TRPC4: variants seen among roughly 807,000 people sequenced by gnomAD.
The protein encoded by TRPC4 is short transient receptor potential channel 4.
Under a neutral mutation model 99.4 loss-of-function variants are expected in TRPC4, and 49 were observed. That is an observed-to-expected ratio of 0.49 (90% CI 0.39 to 0.63). TRPC4 has a LOEUF of 0.63. Among genes scored for constraint, TRPC4 ranks in the 20% least tolerant of loss-of-function variants. The pLI is 0.00. For synonymous variants in TRPC4, 454 were observed against 425.9 expected, an observed-to-expected ratio of 1.07 and a Z score of -0.81; for missense variants, 898 against 1,152.9, an observed-to-expected ratio of 0.78 and a Z score of 3.20.
intron 2 of TRPC4, among the ~76,000 whole-genome samples, chr13:37,763,238 T>G (rs1163412641): frequency 1.3e-5 from 2 of 151,498 alleles, no homozygotes; most frequent in Non-Finnish European, 3.0e-5. Flanking sequence ...GAAGGACCAG[T>G]AAAAGATATT....
intron 4 of TRPC4, 148 bp downstream of exon 4, chr13:37,691,851 G>T: frequency 2.7e-6 from 2 of 728,894 alleles, no homozygotes; most frequent in South Asian, 2.6e-5. Context: ...ATAGTTGTTT[G>T]GCTTTGGGGG....
rs1202421950 is a variant in TRPC4 at position 37,840,128 on chromosome 13, T to C, written c.-28+29467A>G. 2.6e-5 allele frequency among the ~76,000 whole-genome samples: 4 copies of C among 152,160 alleles called. No homozygotes were observed. The South Asian group carries it at 8.3e-4, about 32-fold the overall frequency. On this transcript the variant is annotated intron_variant, in intron 1 of 10. Coordinates refer to ENST00000379705, the MANE Select transcript of TRPC4 (RefSeq NM_016179.4). ...CTCCAGGAAGATATATCAAATTGAA[T>C]ATAATAGAGGTTGATTACAGAATAA...
Position 37,790,690 on chromosome 13 carries a change from G to A in TRPC4, c.-27-7330C>T, listed in dbSNP as rs566457868. Among the ~76,000 whole-genome samples the A allele has an allele frequency of 6.6e-5, 10 of 152,104 alleles. No homozygotes were observed. In the Middle Eastern group the frequency reaches 0.01, roughly 155 times the overall value. On this transcript the variant is annotated intron_variant, in intron 1 of 10. Transcript: ENST00000379705. Reference sequence around the variant, plus strand: ...ATTGCCTCATCCTAATCATTTTCCCGCCTTGAAAGATCAACCTGAAACCAA... The same window carrying A: ...ATTGCCTCATCCTAATCATTTTCCCACCTTGAAAGATCAACCTGAAACCAA...
intron 1 of TRPC4, among the ~76,000 whole-genome samples, chr13:37,783,814 A>G (rs896532575): frequency 1.3e-5 from 2 of 152,074 alleles, no homozygotes; most frequent in Admixed American, 1.3e-4. Flanking sequence ...ATGTAATACC[A>G]TTATGTTTGC....
At chr13:37,787,951 A>G (rs1171394799) in intron 1 of TRPC4, among the ~76,000 whole-genome samples, 1 of 152,060 alleles carries the variant, frequency 6.6e-6, no homozygotes, top group Non-Finnish European at 1.5e-5. Flanking sequence ...CCCATTTTTA[A>G]AACACACATA....
At chr13:37,863,311 A>G (rs982302374) in intron 1 of TRPC4, among the ~76,000 whole-genome samples, 30 of 151,632 alleles carry the variant, frequency 2.0e-4, no homozygotes, top group African/African-American at 6.8e-4. Context: ...GACATATTCA[A>G]AAACAAATAC....
chr13:37,840,299 AATT>A (rs1338391532), intron 1 of TRPC4, among the ~76,000 whole-genome samples: 1 of 152,156 alleles, frequency 6.6e-6, no homozygotes, highest in African/African-American at 2.4e-5. Context: ...TCTTTAGTAC[AATT>A]ATTATTCAAA....
chr13:37,817,495 G>A (rs1297517825), intron 1 of TRPC4, among the ~76,000 whole-genome samples: 8 of 151,898 alleles, frequency 5.3e-5, no homozygotes, highest in Admixed American at 4.0e-4. Flanking sequence ...TACTACCATT[G>A]AGATTCTTCA....
intron 1 of TRPC4, among the ~76,000 whole-genome samples, chr13:37,849,358 G>C (rs1053478116): frequency 2.0e-5 from 3 of 152,152 alleles, no homozygotes; most frequent in African/African-American, 7.2e-5. Context: ...TGGAAAGGAT[G>C]ACTGGCTGTG....
intron 3 of TRPC4, among the ~76,000 whole-genome samples, chr13:37,726,731 G>A (rs928047061): frequency 2.6e-5 from 4 of 151,902 alleles, no homozygotes; most frequent in African/African-American, 9.7e-5. Flanking sequence ...ATTCAAACAC[G>A]TAAATAGTTT....
intron 2 of TRPC4, among the ~76,000 whole-genome samples, chr13:37,752,196 C>A (rs1322919713): frequency 2.0e-5 from 3 of 149,716 alleles, no homozygotes; most frequent in African/African-American, 7.4e-5. Flanking sequence ...TCAGTATTAA[C>A]AAGAATACGG....
chr13:37,666,433 G>A (rs776956355), intron 5 of TRPC4, among the ~76,000 whole-genome samples: 9 of 151,934 alleles, frequency 5.9e-5, no homozygotes, highest in Non-Finnish European at 1.2e-4. Flanking sequence ...TTCCTGTCAC[G>A]GATTAAGAGA....
chr13:37,783,639 T>C (rs546874484), intron 1 of TRPC4, among the ~76,000 whole-genome samples: 1 of 152,174 alleles, frequency 6.6e-6, no homozygotes, highest in Admixed American at 6.6e-5. Context: ...AGAGAATGCA[T>C]TTATAGTTTT....
chr13:37,750,351 T>G (rs80054212), intron 2 of TRPC4, among the ~76,000 whole-genome samples: 1 of 152,134 alleles, frequency 6.6e-6, no homozygotes, highest in African/African-American at 2.4e-5. Context: ...ACAGAGTTTT[T>G]GTGTCACACA....
intron 1 of TRPC4, among the ~76,000 whole-genome samples, chr13:37,808,569 T>C (rs1030186927): frequency 2.6e-5 from 4 of 152,048 alleles, no homozygotes; most frequent in Admixed American, 6.6e-5. Context: ...AGGTATTGTC[T>C]TGTAGAACTA....
intron 3 of TRPC4, among the ~76,000 whole-genome samples, chr13:37,717,660 T>C (rs1316733280): frequency 6.6e-6 from 1 of 152,122 alleles, no homozygotes; most frequent in Non-Finnish European, 1.5e-5. Flanking sequence ...AAGAGAGTTA[T>C]ATTCAAGCCA....
chr13:37,829,820 C>T (rs1036964454), intron 1 of TRPC4, among the ~76,000 whole-genome samples: 1 of 152,058 alleles, frequency 6.6e-6, no homozygotes, highest in African/African-American at 2.4e-5. Flanking sequence ...AAATTTGAAG[C>T]ACTAGTTCGT....
intron 8 of TRPC4, among the ~76,000 whole-genome samples, chr13:37,646,453 T>C (rs1951863042): frequency 6.6e-6 from 1 of 152,152 alleles, no homozygotes; most frequent in South Asian, 2.1e-4. Flanking sequence ...ATTAATGAAA[T>C]GCTTTGGGGA....
intron 3 of TRPC4, among the ~76,000 whole-genome samples, chr13:37,696,094 G>T (rs1353860090): frequency 6.6e-6 from 1 of 152,214 alleles, no homozygotes; most frequent in Non-Finnish European, 1.5e-5. Flanking sequence ...CACAGTTGTG[G>T]TGGTAGGTAA....
Sources: gnomAD v4.1 joint callset for allele counts (sites outside exome capture counted in the v4.1 genomes callset) on GRCh38, gnomAD v4.1.1 for gene constraint, MANE v1.5 for transcripts, NCBI Gene and HGNC (gene_info 2026-07-23, HGNC 2026-07-21) for gene names.